Variants in IFT43 observed in about 807,000 individuals in gnomAD.
IFT43 encodes the protein intraflagellar transport protein 43 homolog.
Under a neutral mutation model 32.3 loss-of-function variants are expected in IFT43, and 33 were observed. That is an observed-to-expected ratio of 1.02 (90% CI 0.77 to 1.37). IFT43 has a LOEUF of 1.37. Among genes scored for constraint, IFT43 ranks in the 40% most tolerant of loss-of-function variants. IFT43 has a pLI of 0.00. For missense variants in IFT43, 274 were observed against 265.9 expected, an observed-to-expected ratio of 1.03 and a Z score of -0.21; for synonymous variants, 93 against 98.2, an observed-to-expected ratio of 0.95 and a Z score of 0.31.
chr14:76,039,581 A>G (rs889863726), intron 3 of IFT43, among the ~76,000 whole-genome samples: 3 of 152,200 alleles, frequency 2.0e-5, no homozygotes, highest in Non-Finnish European at 4.4e-5. Flanking sequence ...GACAGTATAC[A>G]TTTTTAGATT....
intron 2 of IFT43, among the ~76,000 whole-genome samples, chr14:76,000,401 A>G (rs2035861497): frequency 6.6e-6 from 1 of 151,192 alleles, no homozygotes; most frequent in South Asian, 2.1e-4. Context: ...AGTAGCTAGG[A>G]CTACAGGCGC....
chr14:76,028,824 A>G (rs1343672303), intron 3 of IFT43, among the ~76,000 whole-genome samples: 2 of 151,986 alleles, frequency 1.3e-5, no homozygotes. Flanking sequence ...ATTCTATGGT[A>G]TATATATATA....
intron 2 of IFT43, among the ~76,000 whole-genome samples, chr14:76,001,522 G>A (rs1004069006): frequency 1.3e-5 from 2 of 152,196 alleles, no homozygotes; most frequent in African/African-American, 4.8e-5. Flanking sequence ...GGACCCTGCT[G>A]AGGGAAGGCA....
At chr14:76,061,192 T>C (rs371680626) in intron 5 of IFT43, among the ~76,000 whole-genome samples, 29 of 152,338 alleles carry the variant, frequency 1.9e-4, no homozygotes, top group African/African-American at 6.5e-4. Flanking sequence ...ACATTGTTTC[T>C]GATGAGAAGA....
chr14:76,011,400 C>T (rs1447960841), intron 2 of IFT43, among the ~76,000 whole-genome samples: 2 of 152,218 alleles, frequency 1.3e-5, no homozygotes, highest in Admixed American at 6.5e-5. Flanking sequence ...ATGGTTTAGG[C>T]AGGAAGTTTT....
intron 2 of IFT43, among the ~76,000 whole-genome samples, chr14:76,006,804 T>C (rs1475943938): frequency 6.6e-6 from 1 of 151,976 alleles, no homozygotes; most frequent in Non-Finnish European, 1.5e-5. Context: ...TCCAGAAGTT[T>C]GGGAAACAGT....
At chr14:76,028,711 T>G (rs961569538) in intron 3 of IFT43, among the ~76,000 whole-genome samples, 1 of 152,148 alleles carries the variant, frequency 6.6e-6, no homozygotes, top group East Asian at 1.9e-4. Context: ...CCTCTAATAT[T>G]TGGTTTTCTG....
intron 2 of IFT43, among the ~76,000 whole-genome samples, chr14:75,993,159 C>T (rs1399285870): frequency 6.6e-6 from 1 of 152,098 alleles, no homozygotes; most frequent in Non-Finnish European, 1.5e-5. Context: ...CTTTTTATTC[C>T]ACCTTAACCT....
intron 2 of IFT43, among the ~76,000 whole-genome samples, chr14:75,998,935 G>A (rs980762189): frequency 2.0e-5 from 3 of 152,048 alleles, no homozygotes; most frequent in African/African-American, 7.3e-5. Flanking sequence ...AGGTCATGCT[G>A]TGTTGCTCGG....
chr14:76,030,763 C>A (rs1875727904), intron 3 of IFT43, among the ~76,000 whole-genome samples: 1 of 152,080 alleles, frequency 6.6e-6, no homozygotes, highest in Non-Finnish European at 1.5e-5. Context: ...ATTTAATACA[C>A]AATTACATTC....
intron 2 of IFT43, among the ~76,000 whole-genome samples, chr14:75,990,427 T>C (rs2035614485): frequency 6.6e-6 from 1 of 152,224 alleles, no homozygotes; most frequent in South Asian, 2.1e-4. Context: ...TTCTAATTGT[T>C]TACATATCTG....
At chr14:76,068,363 T>C (rs2037262880) in intron 5 of IFT43, among the ~76,000 whole-genome samples, 1 of 152,250 alleles carries the variant, frequency 6.6e-6, no homozygotes, top group Non-Finnish European at 1.5e-5. Context: ...GTCTTGATTC[T>C]GGTCCTTTCC....
At chr14:76,033,745 T>C (rs1041458657) in intron 3 of IFT43, among the ~76,000 whole-genome samples, 2 of 152,212 alleles carry the variant, frequency 1.3e-5, no homozygotes, top group African/African-American at 4.8e-5. Context: ...GTGGAAGATA[T>C]ACTTCCTGTC....
In IFT43 at chr14:76,051,502, T is replaced by C. The variant is rs147724702; in HGVS notation, c.216-7140T>C. Among the ~76,000 whole-genome samples, 216 of 152,184 alleles carry C rather than the reference T, an allele frequency of 1.4e-3. 3 individuals carry two copies. Among genetic ancestry groups the C allele is most frequent in the African/African-American group, 4.7e-3 (197 of 41,500 alleles). On this transcript the variant is annotated intron_variant, in intron 3 of 8. Transcript: ENST00000314067. Reference sequence around the variant, plus strand: ...CCTTTCCTCACATTTGGGTTTTCACTGCAAAGGCTCATTTGGCGCTTCACA... The same window carrying C: ...CCTTTCCTCACATTTGGGTTTTCACCGCAAAGGCTCATTTGGCGCTTCACA...
intron 5 of IFT43, among the ~76,000 whole-genome samples, chr14:76,071,439 G>T (rs1054999913): frequency 6.6e-6 from 1 of 152,146 alleles, no homozygotes; most frequent in African/African-American, 2.4e-5. Flanking sequence ...ACTCATCGAG[G>T]TCACATGGCC....
At chr14:76,041,992 T>C (rs963425555) in intron 3 of IFT43, among the ~76,000 whole-genome samples, 8 of 152,154 alleles carry the variant, frequency 5.3e-5, no homozygotes, top group African/African-American at 1.9e-4. Flanking sequence ...CTCTAGACTT[T>C]AGGAAATTTG....
chr14:76,055,532 G>T (rs1252655226), intron 3 of IFT43, among the ~76,000 whole-genome samples: 1 of 152,042 alleles, frequency 6.6e-6, no homozygotes, highest in African/African-American at 2.4e-5. Flanking sequence ...AAAGCTGGTG[G>T]TGCGCCACTA....
At chr14:75,988,621 C>A (rs1009185416) in intron 1 of IFT43, among the ~76,000 whole-genome samples, 1 of 152,114 alleles carries the variant, frequency 6.6e-6, no homozygotes. Flanking sequence ...CAGGTTCAAG[C>A]GATTCTCCCG....
chr14:75,994,311 GTGGTTTGGTCCA>G (rs1414331138), intron 2 of IFT43, among the ~76,000 whole-genome samples: 1 of 152,108 alleles, frequency 6.6e-6, no homozygotes, highest in African/African-American at 2.4e-5. Flanking sequence ...TAGGATGCCT[GTGGTTTGGTCCA>G]GGTAATTAAA....
Sources: gnomAD v4.1 joint callset for allele counts (sites outside exome capture counted in the v4.1 genomes callset) on GRCh38, gnomAD v4.1.1 for gene constraint, MANE v1.5 for transcripts, NCBI Gene and HGNC (gene_info 2026-07-23, HGNC 2026-07-21) for gene names.